The following PCF11 variants were observed in gnomAD, a reference collection of about 807,000 sequenced individuals.
The protein encoded by PCF11 is pre-mRNA cleavage complex 2 protein Pcf11.
In PCF11, 19 loss-of-function variants were observed where a neutral mutation model predicts 166.1. The observed-to-expected ratio is 0.11, with a 90% CI of 0.08 to 0.17. PCF11 has a LOEUF of 0.17. Among genes scored for constraint, PCF11 ranks in the 10% least tolerant of loss-of-function variants. The pLI is 1.00. For synonymous variants in PCF11, 663 were observed against 644.1 expected (o/e 1.03, Z -0.44); for missense variants, 1,565 against 1,855.5 (o/e 0.84, Z 2.88).
chr11:83,168,689 C>T (rs1860563129), exon 8 of PCF11: 1 of 1,613,850 alleles, frequency 6.2e-7, no homozygotes, highest in Non-Finnish European at 8.5e-7. Context: ...GGACCTCCCA[C>T]ACCAGCTTCT....
intron 4 of PCF11, 116 bp downstream of exon 4, chr11:83,164,517 CACTTTTATTTTACAAATGAGTA>C: frequency 1.4e-6 from 1 of 720,414 alleles, no homozygotes; most frequent in Non-Finnish European, 2.3e-6. Context: ...ACTCTTTTTT[CACTTTTATTTTACAAATGAGTA>C]TATTTATTAG....
chr11:83,157,457 G>A, exon 1 of PCF11: 1 of 1,611,124 alleles, frequency 6.2e-7, no homozygotes, highest in Non-Finnish European at 8.5e-7. Context: ...AGCAGACGCC[G>A]GCCGAGGCCG....
chr11:83,177,882 A>C (rs1237256898), intron 11 of PCF11, 63 bp downstream of exon 11: 1 of 638,486 alleles, frequency 1.6e-6, no homozygotes, highest in Admixed American at 2.6e-5. Flanking sequence ...GTTATAGTGG[A>C]CATTGTTACT....
At chr11:83,157,626 G>A (rs767866857) in exon 1 of PCF11, 12 of 1,613,496 alleles carry the variant, frequency 7.4e-6, no homozygotes, top group Non-Finnish European at 1.0e-5. Flanking sequence ...GGCCCAAACC[G>A]CCAAGGTTTT....
At chr11:83,163,815 C>G (rs753763850) in exon 3 of PCF11, 28 of 1,584,764 alleles carry the variant, frequency 1.8e-5, no homozygotes, top group East Asian at 4.6e-5. Context: ...CCTCTACCCC[C>G]CAATGTGAAT....
chr11:83,176,767 C>T (rs938477919), intron 9 of PCF11, among the ~76,000 whole-genome samples: 2 of 151,546 alleles, frequency 1.3e-5, no homozygotes, highest in African/African-American at 4.9e-5. Context: ...AGCAAATCAA[C>T]ATGGCACATG....
chr11:83,172,789 C>T (rs935970519), intron 9 of PCF11, among the ~76,000 whole-genome samples: 3 of 152,150 alleles, frequency 2.0e-5, no homozygotes, highest in South Asian at 2.1e-4. Flanking sequence ...ATTTCTGAAT[C>T]ATTGAAACAG....
In PCF11 at chr11:83,168,854, A is replaced by G. The variant is rs756630532; in HGVS notation, c.2519A>G (p.Gln840Arg). ...CTGCGGTTTGAGGGCCCAATTGGTC[A>G]AGCAGGAGGAGGTGGTTTTCGGTTT... is the stretch of plus-strand genomic sequence containing the variant. Residue 840 changes from glutamine (Q) to arginine (R), a missense_variant, in exon 8 of 16, where the codon CAA becomes CGA. This residue lies in a region of PCF11 where 725 missense variants were observed against 749.3 expected (regional missense o/e 0.97). Coordinates refer to ENST00000298281, the Ensembl canonical transcript of PCF11. The G allele has an allele frequency of 2.5e-6, 4 of 1,613,748 alleles. No homozygotes were observed. The Admixed American group carries it at 6.7e-5, about 27-fold the overall frequency.
chr11:83,165,268 G>C (rs1477207324), intron 4 of PCF11, among the ~76,000 whole-genome samples: 1 of 152,200 alleles, frequency 6.6e-6, no homozygotes, highest in Non-Finnish European at 1.5e-5. Flanking sequence ...TCTGATTCTT[G>C]TGCAGCCGGA....
exon 10 of PCF11, chr11:83,177,153 T>C (rs1284526935): frequency 6.3e-7 from 1 of 1,581,332 alleles, no homozygotes; most frequent in Non-Finnish European, 8.6e-7. Flanking sequence ...GTTTTCAAAA[T>C]TGCTAAAAAC....
intron 7 of PCF11, 103 bp from the exon 8 acceptor site, chr11:83,168,325 C>T (rs1397395910): frequency 9.0e-7 from 1 of 1,106,626 alleles, no homozygotes; most frequent in East Asian, 2.6e-5. Context: ...CTCTCCTGCC[C>T]CTCTAATGTA....
At chr11:83,172,303 TG>T (rs1255548556) in intron 9 of PCF11, among the ~76,000 whole-genome samples, 1 of 152,226 alleles carries the variant, frequency 6.6e-6, no homozygotes, top group Non-Finnish European at 1.5e-5. Context: ...TTTATGTTTT[TG>T]TGGGCACTCA....
intron 1 of PCF11, among the ~76,000 whole-genome samples, chr11:83,159,458 G>C (rs1184248707): frequency 6.6e-6 from 1 of 152,166 alleles, no homozygotes; most frequent in Non-Finnish European, 1.5e-5. Context: ...AAAGAACCTT[G>C]CTGGTTTTTA....
intron 11 of PCF11, among the ~76,000 whole-genome samples, chr11:83,178,737 CG>C (rs1860974037): frequency 6.6e-6 from 1 of 151,208 alleles, no homozygotes; most frequent in Non-Finnish European, 1.5e-5. Flanking sequence ...GGTGTGAACC[CG>C]GGAGGCGGAG....
chr11:83,174,899 G>C (rs539512118), intron 9 of PCF11, among the ~76,000 whole-genome samples: 1 of 152,312 alleles, frequency 6.6e-6, no homozygotes, highest in East Asian at 1.9e-4. Context: ...TACTGTAATT[G>C]ATTATTGAAG....
chr11:83,179,257 C>CT lies in PCF11; in HGVS notation c.3983+1448dup, dbSNP rs1276212490. On this transcript the variant is annotated intron_variant, in intron 11 of 15. Transcript: ENST00000298281. ...TTTTTCTGCCATTTACCTCTTTTTC[C>CT]TTTTTTTTTTGAGACAGAGTCTCAC... Among the ~76,000 whole-genome samples the CT allele has an allele frequency of 1.7e-3, 257 of 147,230 alleles. 2 individuals are homozygous for CT. Among genetic ancestry groups the CT allele is most frequent in the African/African-American group, 4.8e-3 (191 of 40,210 alleles).
chr11:83,178,884 TAAAATC>T (rs1414728525), intron 11 of PCF11, among the ~76,000 whole-genome samples: 4 of 152,114 alleles, frequency 2.6e-5, no homozygotes, highest in Non-Finnish European at 5.9e-5. Flanking sequence ...ATACTATAAA[TAAAATC>T]AAGAAAACGT....
At chr11:83,184,901 T>C in exon 16 of PCF11, 2 of 1,516,376 alleles carry the variant, frequency 1.3e-6, no homozygotes, top group Non-Finnish European at 8.8e-7. Context: ...TTAAATAAAA[T>C]GAGAAAGGTA....
chr11:83,162,049 A>G (rs1394511911), intron 2 of PCF11, among the ~76,000 whole-genome samples: 1 of 152,220 alleles, frequency 6.6e-6, no homozygotes, highest in Non-Finnish European at 1.5e-5. Flanking sequence ...TTCAGAAATT[A>G]GGCTTATTTT....
Sources: gnomAD v4.1 joint callset for allele counts (sites outside exome capture counted in the v4.1 genomes callset) on GRCh38, gnomAD v4.1.1 for gene constraint, gnomAD v4.1.1 regional missense constraint, MANE v1.5 for transcripts, NCBI Gene and HGNC (gene_info 2026-07-23, HGNC 2026-07-21) for gene names.